SLC6A9: variants seen among roughly 807,000 people sequenced by gnomAD.
The protein encoded by SLC6A9 is sodium- and chloride-dependent glycine transporter 1.
In SLC6A9, 31 loss-of-function variants were observed where a neutral mutation model predicts 70.9. That is an observed-to-expected ratio of 0.44 (90% CI 0.33 to 0.59). The LOEUF (loss-of-function observed/expected upper bound fraction) is 0.59, where lower values mean the gene tolerates loss of function less well. SLC6A9 is among the 20% of genes least tolerant of loss of function. The pLI, the probability that SLC6A9 is intolerant of heterozygous loss-of-function variation, is 0.04. For synonymous variants in SLC6A9, 310 were observed against 341.3 expected (o/e 0.91, Z 1.01); for missense variants, 631 against 845.2 (o/e 0.75, Z 3.14).
intron 12 of SLC6A9, among the ~76,000 whole-genome samples, chr1:43,998,665 G>GGTTGTGCCCAGTACA (rs777719277): frequency 1.1e-3 from 165 of 152,256 alleles, no homozygotes; most frequent in Middle Eastern, 3.4e-3. Context: ...CAACTCTGGG[G>GGTTGTGCCCAGTACA]GTGCAGTGCC....
intron 5 of SLC6A9, among the ~76,000 whole-genome samples, chr1:44,007,888 CT>C (rs2086376268): frequency 1.7e-5 from 2 of 114,576 alleles, no homozygotes; most frequent in South Asian, 5.7e-4. Flanking sequence ...CCATTGCTTT[CT>C]TTCTTTTTTT....
At chr1:44,015,132 CA>C (rs1401830504) in intron 2 of SLC6A9, among the ~76,000 whole-genome samples, 2 of 152,024 alleles carry the variant, frequency 1.3e-5, no homozygotes, top group East Asian at 1.9e-4. Flanking sequence ...CTATCACACA[CA>C]AAAAAATTAG....
intron 1 of SLC6A9, among the ~76,000 whole-genome samples, chr1:44,030,068 G>A (rs2154307981): frequency 6.6e-6 from 1 of 152,260 alleles, no homozygotes; most frequent in African/African-American, 2.4e-5. Context: ...AGGGGGTGTG[G>A]CTTGCGGAGA....
In SLC6A9 at chr1:43,997,391, A is replaced by C. The variant is rs894934819; in HGVS notation, c.*154T>G. 4 of 676,914 alleles carry C rather than the reference A, an allele frequency of 5.9e-6. No individual in the cohort carries two copies. In the African/African-American group the frequency reaches 7.2e-5, roughly 12 times the overall value. The allele number at this position is 676,914 out of a possible 1,614,324, so 41.9% of individuals were successfully genotyped here. A position where few individuals can be genotyped will look rare whatever the true frequency, so the allele number is the denominator to read the frequency against. On this transcript the variant is annotated 3_prime_UTR_variant, in exon 14 of 14. Transcript: ENST00000372310. The surrounding 1 kb of genome is among the most constrained non-coding windows in gnomAD (Gnocchi z 4.4). ...ACATGTAAACACTGGGGACATGAGC[A>C]TGAATGACTGCACTAGCAGTGGTGA...
chr1:44,015,736 C>A (rs2086717914), intron 2 of SLC6A9: 1 of 503,798 alleles, frequency 2.0e-6, no homozygotes, highest in Non-Finnish European at 2.6e-6. Flanking sequence ...ATGACAGAAT[C>A]TTCTGTCCTT....
chr1:44,024,323 G>A lies in SLC6A9; in HGVS notation c.-46C>T. On this transcript the variant is annotated 5_prime_UTR_variant, in exon 2 of 14. Coordinates refer to ENST00000372310, the MANE Select transcript of SLC6A9 (RefSeq NM_001024845.3). ...CTGGTGACGGGGACCACACTCACAG[G>A]CTCTGCTTCCAGCGCCTTTCAGGCC... The A allele has an allele frequency of 1.2e-6, 2 of 1,611,956 alleles. No homozygotes were observed. Among genetic ancestry groups the A allele is most frequent in the Non-Finnish European group, 1.7e-6 (2 of 1,177,996 alleles).
intron 12 of SLC6A9, among the ~76,000 whole-genome samples, chr1:43,999,680 A>G (rs970879062): frequency 3.3e-5 from 5 of 151,874 alleles, no homozygotes; most frequent in Non-Finnish European, 7.4e-5. Flanking sequence ...ACATCCCACA[A>G]CCTACCGGGT....
chr1:44,006,897 G>T (rs1194148568), intron 5 of SLC6A9, among the ~76,000 whole-genome samples: 5 of 152,204 alleles, frequency 3.3e-5, no homozygotes. Flanking sequence ...GGGTTTAGAG[G>T]CCCTGTGGTG....
intron 1 of SLC6A9, among the ~76,000 whole-genome samples, chr1:44,026,844 C>T (rs2154307721): frequency 6.6e-6 from 1 of 152,332 alleles, no homozygotes; most frequent in Non-Finnish European, 1.5e-5. Context: ...GGAGAGGTCA[C>T]ATGCCTTCCT....
Position 44,018,755 on chromosome 1 carries a change from T to C in SLC6A9, c.30+5493A>G, listed in dbSNP as rs1298260427. 6.6e-6 allele frequency among the ~76,000 whole-genome samples: 1 copy of C among 151,674 alleles called. No individual in the cohort carries two copies. Among genetic ancestry groups the C allele is most frequent in the Non-Finnish European group, 1.5e-5 (1 of 67,914 alleles). On this transcript the variant is annotated intron_variant, in intron 2 of 13. Transcript: ENST00000372310. The surrounding 1 kb of genome is among the most constrained non-coding windows in gnomAD (Gnocchi z 4.2). ...GAGTTCATGACCAGCCTGGGCAACA[T>C]AGTGAGACCGTGTCTCTACAAAAAA...
chr1:44,019,747 C>G (rs1186920294), intron 2 of SLC6A9, among the ~76,000 whole-genome samples: 2 of 152,258 alleles, frequency 1.3e-5, no homozygotes, highest in Admixed American at 6.5e-5. Context: ...GATGCTGACT[C>G]CCCCAGCTCC....
chr1:44,009,137 C>T (rs1041012681), intron 4 of SLC6A9, among the ~76,000 whole-genome samples: 4 of 151,414 alleles, frequency 2.6e-5, no homozygotes, highest in Non-Finnish European at 5.9e-5. Flanking sequence ...AGCGATTCTC[C>T]TGCCTCAGCC....
intron 12 of SLC6A9, 150 bp from the exon 13 acceptor site, chr1:43,998,175 G>A (rs991995379): frequency 1.3e-5 from 10 of 749,960 alleles, no homozygotes; most frequent in East Asian, 5.5e-5. Context: ...CATCTGGGCC[G>A]TGGAAGAAGC....
intron 2 of SLC6A9, among the ~76,000 whole-genome samples, chr1:44,022,716 TTCTTTC>T (rs548383041): frequency 0.011 from 1,079 of 97,372 alleles, 27 homozygotes; most frequent in African/African-American, 0.078. Flanking sequence ...CTTTCTTTCT[TTCTTTC>T]TTTTTTTTTT....
intron 1 of SLC6A9, among the ~76,000 whole-genome samples, chr1:44,025,298 G>T (rs1034406375): frequency 5.3e-5 from 8 of 152,104 alleles, no homozygotes; most frequent in African/African-American, 1.9e-4. Context: ...GCAAGGTGGG[G>T]CTGGCGAGCT....
intron 4 of SLC6A9, 65 bp from the exon 5 acceptor site, chr1:44,008,688 T>A: frequency 1.6e-6 from 2 of 1,275,152 alleles, no homozygotes; most frequent in Non-Finnish European, 2.2e-6. Context: ...AGGTTAATAA[T>A]TTCTTTTTTT....
rs767316697 is a variant in SLC6A9 at position 44,013,737 on chromosome 1, CCTTT to C, written c.31-2859_31-2856del. ...CTCAGCGGACGACAGAGCAGGCCTA[CCTTT>C]CTCCAAGCAAACTGGAGGAAAGACT... On this transcript the variant is annotated intron_variant, in intron 2 of 13. Coordinates refer to ENST00000372310, the MANE Select transcript of SLC6A9 (RefSeq NM_001024845.3). This position sits in a 1 kb window ranked among gnomAD's most constrained non-coding sequence, Gnocchi z 5.3. Among the ~76,000 whole-genome samples, 9 of 152,216 alleles carry C rather than the reference CCTTT, an allele frequency of 5.9e-5. No homozygotes were observed. The highest frequency in any genetic ancestry group is 2.6e-4 in the Admixed American group (4 of 15,284).
chr1:44,030,119 G>C (rs952989018), intron 1 of SLC6A9, among the ~76,000 whole-genome samples: 1 of 152,020 alleles, frequency 6.6e-6, no homozygotes, highest in Non-Finnish European at 1.5e-5. Context: ...AGTATCCGCC[G>C]GCCCGAGGCG....
chr1:44,017,095 G>A (rs1210487510), intron 2 of SLC6A9: 6 of 1,605,800 alleles, frequency 3.7e-6, no homozygotes, highest in Non-Finnish European at 5.1e-6. Context: ...CGGCCATCCT[G>A]GGGCGAGCGA....
Sources: gnomAD v4.1 joint callset for allele counts (sites outside exome capture counted in the v4.1 genomes callset) on GRCh38, gnomAD v4.1.1 for gene constraint, Gnocchi (gnomAD v3.1) non-coding constraint, MANE v1.5 for transcripts, NCBI Gene and HGNC (gene_info 2026-07-23, HGNC 2026-07-21) for gene names.